The following NRG1 variants were observed in gnomAD, a reference collection of about 807,000 sequenced individuals.
NRG1 encodes pro-neuregulin-1, membrane-bound isoform.
Under a neutral mutation model 63.8 loss-of-function variants are expected in NRG1, and 18 were observed. The observed-to-expected ratio is 0.28, with a 90% CI of 0.19 to 0.42. NRG1 has a LOEUF of 0.42. Ranked by LOEUF, NRG1 falls within the 10% of genes least tolerant of loss-of-function variation. NRG1 has a pLI of 1.00. For synonymous variants in NRG1, 302 were observed against 301.3 expected (o/e 1.00, Z -0.02); for missense variants, 762 against 814.7 (o/e 0.94, Z 0.79).
chr8:32,081,376 T>C (rs1049357611), intron 1 of NRG1, among the ~76,000 whole-genome samples: 3 of 152,060 alleles, frequency 2.0e-5, no homozygotes, highest in African/African-American at 7.2e-5. Flanking sequence ...GCAGAGACAA[T>C]TGAGGAAAAG....
intron 1 of NRG1, among the ~76,000 whole-genome samples, chr8:31,945,790 T>G (rs914189520): frequency 2.8e-4 from 43 of 152,320 alleles, no homozygotes; most frequent in Middle Eastern, 3.4e-3. Flanking sequence ...AACCTGACTC[T>G]CATCTTGTTA....
At chr8:31,826,213 G>A (rs186243502) in intron 1 of NRG1, among the ~76,000 whole-genome samples, 2 of 152,284 alleles carry the variant, frequency 1.3e-5, no homozygotes, top group Admixed American at 1.3e-4. Context: ...CATCCTCCAA[G>A]AGAGCAGATT....
chr8:32,175,628 G>T (rs915069729), intron 1 of NRG1, among the ~76,000 whole-genome samples: 22 of 152,162 alleles, frequency 1.4e-4, no homozygotes, highest in African/African-American at 5.3e-4. Flanking sequence ...GGCAACTTCA[G>T]CAAAGTCTCA....
At chr8:32,159,877 T>C (rs1251229654) in intron 1 of NRG1, among the ~76,000 whole-genome samples, 2 of 152,162 alleles carry the variant, frequency 1.3e-5, no homozygotes, top group African/African-American at 2.4e-5. Flanking sequence ...GAATGGGATG[T>C]GGTAATAGGA....
chr8:32,579,328 G>T (rs1041282169), intron 1 of NRG1, among the ~76,000 whole-genome samples: 1 of 150,816 alleles, frequency 6.6e-6, no homozygotes, highest in Non-Finnish European at 1.5e-5. Context: ...CAAAAACCCA[G>T]AATAGATCTT....
At chr8:32,492,612 C>G (rs1169000555) in intron 1 of NRG1, among the ~76,000 whole-genome samples, 1 of 152,070 alleles carries the variant, frequency 6.6e-6, no homozygotes, top group East Asian at 1.9e-4. Context: ...TAAATAAACT[C>G]TAAAATATGA....
At chr8:32,281,202 G>T (rs1852793656) in intron 1 of NRG1, among the ~76,000 whole-genome samples, 1 of 15,520 alleles carries the variant, frequency 6.4e-5, no homozygotes, top group African/African-American at 6.5e-4. Flanking sequence ...TTTTGAGACA[G>T]AATCTCGCTC....
chr8:32,086,717 G>A (rs1308550673), intron 1 of NRG1, among the ~76,000 whole-genome samples: 3 of 152,120 alleles, frequency 2.0e-5, no homozygotes, highest in Admixed American at 6.6e-5. Flanking sequence ...CATGGGGAAC[G>A]GGTGACATAT....
intron 1 of NRG1, among the ~76,000 whole-genome samples, chr8:31,728,822 C>T (rs917997503): frequency 6.6e-6 from 1 of 152,124 alleles, no homozygotes; most frequent in Non-Finnish European, 1.5e-5. Flanking sequence ...GATACTATTT[C>T]ATAAAACTCA....
intron 1 of NRG1, among the ~76,000 whole-genome samples, chr8:31,827,909 A>G (rs1385794122): frequency 6.6e-6 from 1 of 152,228 alleles, no homozygotes; most frequent in East Asian, 1.9e-4. Flanking sequence ...CATAGGATCT[A>G]GCCAGGAAAA....
chr8:32,566,940 A>G (rs1227187919), intron 1 of NRG1, among the ~76,000 whole-genome samples: 2 of 152,116 alleles, frequency 1.3e-5, no homozygotes, highest in African/African-American at 4.8e-5. Context: ...TACAACCTCC[A>G]CAAACGATTC....
chr8:31,731,367 A>G (rs1313763322), intron 1 of NRG1, among the ~76,000 whole-genome samples: 1 of 152,034 alleles, frequency 6.6e-6, no homozygotes, highest in Non-Finnish European at 1.5e-5. Flanking sequence ...TTAATTATAT[A>G]GGAAAATCCT....
At chr8:32,227,066 C>G (rs1374841104) in intron 1 of NRG1, among the ~76,000 whole-genome samples, 3 of 152,270 alleles carry the variant, frequency 2.0e-5, no homozygotes, top group Admixed American at 1.3e-4. Context: ...CTGGCAAGGG[C>G]TATTTCTTCC....
chr8:32,748,339 G>GCGCGCGCACACA (rs1207515428), intron 7 of NRG1, among the ~76,000 whole-genome samples: 1 of 128,356 alleles, frequency 7.8e-6, no homozygotes, highest in East Asian at 2.3e-4. Flanking sequence ...GCGCGCGCGC[G>GCGCGCGCACACA]CACACACACA....
chr8:31,799,701 T>C (rs1821569123), intron 1 of NRG1, among the ~76,000 whole-genome samples: 1 of 152,136 alleles, frequency 6.6e-6, no homozygotes, highest in Admixed American at 6.5e-5. Context: ...TTTCTATTTT[T>C]TGAGTTGCCT....
intron 1 of NRG1, among the ~76,000 whole-genome samples, chr8:31,909,437 A>G (rs1479461621): frequency 1.3e-5 from 2 of 152,086 alleles, no homozygotes; most frequent in Non-Finnish European, 2.9e-5. Flanking sequence ...ATGCTGATGC[A>G]TGGAAGACTT....
chr8:32,298,067 A>G (rs943109560), intron 1 of NRG1, among the ~76,000 whole-genome samples: 1 of 152,276 alleles, frequency 6.6e-6, no homozygotes, highest in African/African-American at 2.4e-5. Context: ...CAATAGCATT[A>G]AAGTATTAAA....
intron 1 of NRG1, among the ~76,000 whole-genome samples, chr8:32,078,037 C>G (rs971557597): frequency 6.6e-6 from 1 of 152,150 alleles, no homozygotes; most frequent in Non-Finnish European, 1.5e-5. Flanking sequence ...TAGTGTTATT[C>G]TTGTCCTTTT....
chr8:32,161,930 A>G (rs1271302590), intron 1 of NRG1, among the ~76,000 whole-genome samples: 2 of 152,188 alleles, frequency 1.3e-5, no homozygotes, highest in African/African-American at 2.4e-5. Flanking sequence ...CTCACATTCC[A>G]TTGGCCAGAA....
Sources: gnomAD v4.1 joint callset for allele counts (sites outside exome capture counted in the v4.1 genomes callset) on GRCh38, gnomAD v4.1.1 for gene constraint, MANE v1.5 for transcripts, NCBI Gene and HGNC (gene_info 2026-07-23, HGNC 2026-07-21) for gene names.